PLCL2: variants seen among roughly 807,000 people sequenced by gnomAD.
PLCL2 encodes the protein inactive phospholipase C-like protein 2.
In PLCL2, 4 loss-of-function variants were observed where a neutral mutation model predicts 79.6. The ratio of observed to expected loss-of-function variants is 0.05; its 90% CI spans 0.02 to 0.11. The LOEUF is 0.11. PLCL2 is among the 10% of genes least tolerant of loss of function. PLCL2 has a pLI of 1.00. For missense variants in PLCL2, 895 were observed against 1,291.0 expected (o/e 0.69, Z 4.70); for synonymous variants, 484 against 457.7 (o/e 1.06, Z -0.73).
chr3:16,995,595 C>T (rs1394013316), intron 1 of PLCL2, among the ~76,000 whole-genome samples: 1 of 152,178 alleles, frequency 6.6e-6, no homozygotes, highest in East Asian at 1.9e-4. Context: ...CTCTTCTCCA[C>T]ATAATATATT....
rs1038176003 is a variant in PLCL2, at chr3:16,885,258, C to T, written c.219C>T (p.Thr73=). 2 of 667,682 alleles carry T rather than the reference C, an allele frequency of 3.0e-6. No homozygotes were observed. The highest frequency in any genetic ancestry group is 2.2e-5 in the Admixed American group (1 of 45,178). The allele number at this position is 667,682 out of a possible 1,614,324, so 41.4% of individuals were successfully genotyped here. Residue 73 remains threonine (T), a synonymous_variant, in exon 1 of 6, where the codon ACC becomes ACT. Coordinates refer to ENST00000615277, the MANE Select transcript of PLCL2 (RefSeq NM_001144382.2). The part of the protein sequence containing the change: ...VSGDEARASP[T]RGPRGVALAP... ...GGGACGAAGCCCGGGCTAGCCCTACCAGGGGACCCCGCGGCGTTGCGCTCG... is the reference window on the plus strand; with the variant it reads ...GGGACGAAGCCCGGGCTAGCCCTACTAGGGGACCCCGCGGCGTTGCGCTCG...
intron 5 of PLCL2, among the ~76,000 whole-genome samples, chr3:17,085,010 A>G (rs1354615539): frequency 6.6e-6 from 1 of 152,248 alleles, no homozygotes; most frequent in African/African-American, 2.4e-5. Context: ...CACAGATGAT[A>G]TAATCATCTA....
At chr3:16,900,007 C>T (rs1696582095) in intron 1 of PLCL2, among the ~76,000 whole-genome samples, 1 of 151,928 alleles carries the variant, frequency 6.6e-6, no homozygotes, top group African/African-American at 2.4e-5. Context: ...GGTTTAATTA[C>T]CCTTTTAAAT....
chr3:16,991,357 C>G (rs989282472), intron 1 of PLCL2, among the ~76,000 whole-genome samples: 1 of 152,132 alleles, frequency 6.6e-6, no homozygotes, highest in Non-Finnish European at 1.5e-5. Flanking sequence ...TAACGGCAGA[C>G]AGTAGTTACC....
At chr3:16,997,381 G>C (rs948924834) in intron 1 of PLCL2, among the ~76,000 whole-genome samples, 1 of 152,206 alleles carries the variant, frequency 6.6e-6, no homozygotes, top group Non-Finnish European at 1.5e-5. Context: ...AGAGAACACT[G>C]AGGGCTGAAC....
intron 4 of PLCL2, among the ~76,000 whole-genome samples, chr3:17,050,900 A>G (rs551869811): frequency 1.6e-4 from 25 of 152,316 alleles, no homozygotes; most frequent in Non-Finnish European, 2.6e-4. Context: ...CAACCTAAGC[A>G]TCTACCAACA....
intron 5 of PLCL2, among the ~76,000 whole-genome samples, chr3:17,068,577 C>G (rs1399405886): frequency 6.6e-6 from 1 of 152,164 alleles, no homozygotes; most frequent in African/African-American, 2.4e-5. Context: ...GAAATGCTAT[C>G]TGCTATCTCT....
At position 17,011,100 on chromosome 3, in the gene PLCL2, A is replaced by G; in HGVS notation, c.1754A>G (p.Asp585Gly). 1 of 1,614,114 alleles carries G rather than the reference A, an allele frequency of 6.2e-7. No individual in the cohort carries two copies. Among genetic ancestry groups the G allele is most frequent in the Non-Finnish European group, 8.5e-7 (1 of 1,180,014 alleles). ...TCTGGGGTAGAAGGAGATGTTACTGACGAAGATGAAGGAGCAGAAATGTCT... is the reference window on the plus strand; with the variant it reads ...TCTGGGGTAGAAGGAGATGTTACTGGCGAAGATGAAGGAGCAGAAATGTCT... ...NCSGVEGDVT[D>G]EDEGAEMSQR... The change falls in exon 2 of 6, where the codon GAC (aspartate) becomes GGC (glycine). Residue 585 changes from aspartate (D) to glycine (G), a missense_variant. By Grantham distance (94) the Asp-to-Gly change is moderately conservative. Coordinates refer to ENST00000615277, the MANE Select transcript of PLCL2 (RefSeq NM_001144382.2). The surrounding 1 kb of genome is among the most constrained non-coding windows in gnomAD (Gnocchi z 7.9).
chr3:16,893,899 G>C (rs1696409429), intron 1 of PLCL2, among the ~76,000 whole-genome samples: 2 of 152,154 alleles, frequency 1.3e-5, no homozygotes, highest in Non-Finnish European at 2.9e-5. Flanking sequence ...CAAATCCTGT[G>C]TCTCTCTCTC....
intron 4 of PLCL2, among the ~76,000 whole-genome samples, chr3:17,051,777 T>C (rs1300085582): frequency 6.6e-6 from 1 of 152,224 alleles, no homozygotes; most frequent in East Asian, 1.9e-4. Context: ...GAGCTTCTTC[T>C]ATATTAGTTT....
intron 1 of PLCL2, among the ~76,000 whole-genome samples, chr3:16,889,470 A>C (rs974613966): frequency 3.3e-5 from 5 of 152,336 alleles, no homozygotes; most frequent in Non-Finnish European, 2.9e-5. Flanking sequence ...GGAGGCTTTT[A>C]GTCACCCGTT....
At chr3:17,039,431 C>G (rs549849118) in intron 3 of PLCL2, among the ~76,000 whole-genome samples, 13 of 152,290 alleles carry the variant, frequency 8.5e-5, no homozygotes, top group Admixed American at 3.3e-4. Flanking sequence ...TAGAGGAGCT[C>G]TTAGACTCAA....
At chr3:17,067,346 T>A (rs2065020093) in intron 4 of PLCL2, among the ~76,000 whole-genome samples, 1 of 152,174 alleles carries the variant, frequency 6.6e-6, no homozygotes, top group Non-Finnish European at 1.5e-5. Context: ...TAAACTAAAT[T>A]TGAATTAGAG....
chr3:16,967,799 G>A (rs2063821921), intron 1 of PLCL2, among the ~76,000 whole-genome samples: 1 of 151,838 alleles, frequency 6.6e-6, no homozygotes. Flanking sequence ...ATTTTTTGTT[G>A]CAATTGCTTT....
intron 1 of PLCL2, among the ~76,000 whole-genome samples, chr3:17,002,478 A>G (rs1223653124): frequency 1.3e-5 from 2 of 152,072 alleles, no homozygotes; most frequent in Non-Finnish European, 2.9e-5. Flanking sequence ...TTTCCCCATC[A>G]TCTGAACTAG....
chr3:17,051,970 G>A (rs937935571), intron 4 of PLCL2, among the ~76,000 whole-genome samples: 1 of 152,028 alleles, frequency 6.6e-6, no homozygotes, highest in Non-Finnish European at 1.5e-5. Flanking sequence ...AGATTAAAGG[G>A]TCATAAGTAC....
intron 1 of PLCL2, among the ~76,000 whole-genome samples, chr3:16,958,887 T>A (rs1426249749): frequency 6.6e-6 from 1 of 152,172 alleles, no homozygotes; most frequent in Non-Finnish European, 1.5e-5. Flanking sequence ...TGGGGCTGGA[T>A]CCTATGACTG....
At chr3:16,889,153 G>T (rs775130675) in intron 1 of PLCL2, among the ~76,000 whole-genome samples, 7 of 152,128 alleles carry the variant, frequency 4.6e-5, no homozygotes, top group Non-Finnish European at 7.3e-5. Context: ...TGCAAAACAC[G>T]TGAAAAGTGC....
intron 1 of PLCL2, among the ~76,000 whole-genome samples, chr3:16,929,078 C>G (rs1697328530): frequency 0.019 from 2 of 108 alleles, no homozygotes; most frequent in Admixed American, 0.17. Context: ...ACGTACACCA[C>G]AGCCGCAGCA....
Sources: allele counts gnomAD v4.1 joint callset (sites outside exome capture counted in the v4.1 genomes callset), GRCh38; gene constraint gnomAD v4.1.1; non-coding constraint Gnocchi (gnomAD v3.1); transcripts MANE v1.5; gene names NCBI Gene and HGNC (gene_info 2026-07-23, HGNC 2026-07-21).